Variants in ACTR8 observed in about 807,000 individuals in gnomAD.
ACTR8 encodes the protein actin-related protein 8.
A neutral mutation model predicts 84.3 loss-of-function variants in ACTR8; 70 were observed. The observed-to-expected ratio is 0.83, with a 90% CI of 0.68 to 1.01. ACTR8 has a LOEUF of 1.01. Ranked by LOEUF, ACTR8 falls within the 50% of genes least tolerant of loss-of-function variation. ACTR8 has a pLI of 0.00. For missense variants in ACTR8, 672 were observed against 775.4 expected (o/e 0.87, Z 1.58); for synonymous variants, 268 against 275.2 (o/e 0.97, Z 0.26).
chr3:53,860,280 AT>A, the ACTR8 span: 243 of 1,470,330 alleles, frequency 1.7e-4, no homozygotes, highest in Middle Eastern at 4.2e-4. Flanking sequence ...AACATTTTGA[AT>A]TTTTTTTTAA....
Position 53,872,485 on chromosome 3 carries a change from C to A in ACTR8, c.1201G>T (p.Val401Phe). Reference protein sequence around the residue: ...ALFYPATFGIVGQKMTTLQHR... With the variant: ...ALFYPATFGIFGQKMTTLQHR... ...TGCAAAGTCGTCATTTTCTGTCCAA[C>A]GATTCCAAAAGTTGCGGGGTAAAAC... The change falls in exon 10 of 13, where the codon GTT (valine) becomes TTT (phenylalanine). Residue 401 changes from valine to phenylalanine, a missense_variant. Val to Phe is a conservative substitution (Grantham distance 50). Transcript: ENST00000335754. 1 of 1,610,216 alleles carries A rather than the reference C, an allele frequency of 6.2e-7. No homozygotes were observed. The highest frequency in any genetic ancestry group is 8.5e-7 in the Non-Finnish European group (1 of 1,178,626).
At position 53,881,886 on chromosome 3, in the gene ACTR8, G is replaced by A; in HGVS notation, c.123+93C>T. On this transcript the variant is annotated intron_variant, in intron 1 of 12. Coordinates refer to ENST00000335754, the MANE Select transcript of ACTR8 (RefSeq NM_022899.5). ...CCCACCAGGGGCTGGGGCCTGCAAG[G>A]GGGACTCGAAGCCTCCCGCCGCCTC... 12 of 1,530,444 alleles carry A rather than the reference G, an allele frequency of 7.8e-6. No individual in the cohort carries two copies. The South Asian group carries it at 1.2e-4, about 15-fold the overall frequency. 94.8% of individuals were successfully genotyped at this position (1,530,444 alleles called of 1,614,324 possible). A position where few individuals can be genotyped will look rare whatever the true frequency, so the allele number is the denominator to read the frequency against.
chr3:53,867,199 G>A lies in ACTR8; in HGVS notation c.*1520C>T, dbSNP rs1044060388. Reference sequence around the variant, plus strand: ...AACTTCCTTTGAAACAGCTCTACCAGTTATAAGAGCAATATGCTGTTAGGT... The same window carrying A: ...AACTTCCTTTGAAACAGCTCTACCAATTATAAGAGCAATATGCTGTTAGGT... On this transcript the variant is annotated 3_prime_UTR_variant, in exon 13 of 13. Coordinates refer to ENST00000335754, the MANE Select transcript of ACTR8 (RefSeq NM_022899.5). 2.6e-5 allele frequency: 4 copies of A among 152,234 alleles called. No homozygotes were observed. Among genetic ancestry groups the A allele is most frequent in the African/African-American group, 7.2e-5 (3 of 41,466 alleles). The allele number at this position is 152,234 out of a possible 1,614,324, so 9.4% of individuals were successfully genotyped here.
rs547789778 is a variant in ACTR8 at position 53,870,020 on chromosome 3, G to A, written c.1693C>T (p.Arg565Ter). Residue 565 changes from arginine (R) to a stop codon, truncating the protein, a stop_gained, in exon 12 of 13, where the codon CGA becomes TGA. Coordinates refer to ENST00000335754, the MANE Select transcript of ACTR8 (RefSeq NM_022899.5). LOFTEE classifies it high-confidence loss of function. This position sits in a 1 kb window ranked among gnomAD's most constrained non-coding sequence, Gnocchi z 4.1. Reference sequence around the variant, plus strand: ...ATCACATCCACATTTTCAATAATTCGCCTGAAGGATGGTGGCATTTTGTTG... The same window carrying A: ...ATCACATCCACATTTTCAATAATTCACCTGAAGGATGGTGGCATTTTGTTG... ...ILNKMPPSFR[R>*]IIENVDVITR... 3 of 1,613,972 alleles carry A rather than the reference G, an allele frequency of 1.9e-6. No individual in the cohort carries two copies. Among genetic ancestry groups the A allele is most frequent in the African/African-American group, 1.3e-5 (1 of 74,876 alleles).
the ACTR8 span, chr3:53,860,280 ATT>A: frequency 2.0e-6 from 3 of 1,471,574 alleles, no homozygotes; most frequent in Non-Finnish European, 2.8e-6. Context: ...AACATTTTGA[ATT>A]TTTTTTTAAA....
chr3:53,865,179 C>T (rs1443772670), downstream of ACTR8: 4 of 1,614,036 alleles, frequency 2.5e-6, no homozygotes, highest in African/African-American at 2.7e-5. Context: ...ACAATGCTCT[C>T]AGTGTCTGCC....
chr3:53,875,314 G>A (rs571894858), intron 7 of ACTR8, among the ~76,000 whole-genome samples: 13 of 152,140 alleles, frequency 8.5e-5, no homozygotes, highest in African/African-American at 1.9e-4. Context: ...TGTGGAGGAC[G>A]GGAAGAATGA....
In ACTR8 at chr3:53,878,380, G is replaced by A. The variant is rs374119128; in HGVS notation, c.382C>T (p.Arg128Cys). The stretch of plus-strand genomic sequence containing the variant: ...ACCTGTTCAGGGGACACAGGAATGC[G>A]TCTTGTACCATTGGACATCTTTTTA... ...WSKKMSNGTR[R>C]IPVSPEQARS... Residue 128 changes from arginine (R) to cysteine (C), a missense_variant, in exon 3 of 13, where the codon CGC becomes TGC. Arg to Cys is a radical substitution (Grantham distance 180). Coordinates refer to ENST00000335754, the MANE Select transcript of ACTR8 (RefSeq NM_022899.5). The A allele has an allele frequency of 7.4e-6, 12 of 1,612,366 alleles. No homozygotes were observed. Among genetic ancestry groups the A allele is most frequent in the South Asian group, 1.1e-5 (1 of 90,760 alleles).
intron 3 of ACTR8, among the ~76,000 whole-genome samples, 166 bp from the exon 4 acceptor site, chr3:53,877,917 C>T (rs934988528): frequency 6.6e-6 from 1 of 152,162 alleles, no homozygotes; most frequent in Admixed American, 6.5e-5. Flanking sequence ...GTCCTTTTTA[C>T]AATCTTGGGG....
chr3:53,877,066 A>C (rs1699986579), intron 5 of ACTR8, 148 bp downstream of exon 5: 2 of 704,860 alleles, frequency 2.8e-6, no homozygotes, highest in South Asian at 6.0e-5. Context: ...GTGAAGAAGA[A>C]AAGACATCCT....
In ACTR8 at chr3:53,873,786, G is replaced by A. The variant is rs74930882; in HGVS notation, c.1065+425C>T. On this transcript the variant is annotated intron_variant, in intron 8 of 12. Coordinates refer to ENST00000335754, the MANE Select transcript of ACTR8 (RefSeq NM_022899.5). The stretch of plus-strand genomic sequence containing the variant: ...CTTTCACCTGCAGGCTTTATCGTGG[G>A]TTGAAAAAGGCATTATAATGCTGTT... 7.3e-3 allele frequency among the ~76,000 whole-genome samples: 1,106 copies of A among 152,148 alleles called. 47 individuals carry two copies. The East Asian group carries it at 0.11, about 15-fold the overall frequency.
In ACTR8 at chr3:53,878,471, G is replaced by C; in HGVS notation, c.295-4C>G. 6.3e-7 allele frequency: 1 copy of C among 1,578,708 alleles called. No individual in the cohort carries two copies. Among genetic ancestry groups the C allele is most frequent in the Non-Finnish European group, 8.7e-7 (1 of 1,151,930 alleles). On this transcript the variant is annotated splice_region_variant and splice_polypyrimidine_tract_variant and intron_variant, in intron 2 of 12. Coordinates refer to ENST00000335754, the MANE Select transcript of ACTR8 (RefSeq NM_022899.5). Reference sequence around the variant, plus strand: ...TTTGTTCATTACTTTCTGGTTTCTGGGGAAAAAATGAAAGATGAGCAGTAC... The same window carrying C: ...TTTGTTCATTACTTTCTGGTTTCTGCGGAAAAAATGAAAGATGAGCAGTAC...
downstream of ACTR8, chr3:53,865,143 T>G (rs1341546454): frequency 1.9e-6 from 3 of 1,614,198 alleles, no homozygotes; most frequent in East Asian, 6.7e-5. Context: ...TGGTCTACTT[T>G]AGAGAGATTG....
In ACTR8 at chr3:53,867,987, T is replaced by C. The variant is rs768876644; in HGVS notation, c.*732A>G. 1 of 152,212 alleles carries C rather than the reference T, an allele frequency of 6.6e-6. No individual in the cohort carries two copies. Among genetic ancestry groups the C allele is most frequent in the East Asian group, 1.9e-4 (1 of 5,202 alleles). The allele number at this position is 152,212 out of a possible 1,614,324, so 9.4% of individuals were successfully genotyped here. A position where few individuals can be genotyped will look rare whatever the true frequency, so the allele number is the denominator to read the frequency against. On this transcript the variant is annotated 3_prime_UTR_variant, in exon 13 of 13. Coordinates refer to ENST00000335754, the MANE Select transcript of ACTR8 (RefSeq NM_022899.5). ...TAAATTATACCCAAATCATTTCTATTTGGCTTTAGGAAAAAAACAAGATTT... is the reference window on the plus strand; with the variant it reads ...TAAATTATACCCAAATCATTTCTATCTGGCTTTAGGAAAAAAACAAGATTT...
Position 53,873,075 on chromosome 3 carries a change from G to A in ACTR8, c.1118C>T (p.Pro373Leu). ...TAATCGAAACTGGTAAAGCAGGGCAGGAGAATCAGGATGTCGAATCTGAAA... is the reference window on the plus strand; with the variant it reads ...TAATCGAAACTGGTAAAGCAGGGCAAGAGAATCAGGATGTCGAATCTGAAA... ...HEFQIRHPDS[P>L]ALLYQFRLGD... is the part of the protein sequence containing the mutation. Residue 373 changes from proline to leucine, a missense_variant, in exon 9 of 13, where the codon CCT becomes CTT. Pro to Leu is a moderately conservative substitution (Grantham distance 98). Transcript: ENST00000335754. 3 of 1,611,918 alleles carry A rather than the reference G, an allele frequency of 1.9e-6. No individual in the cohort carries two copies. Among genetic ancestry groups the A allele is most frequent in the East Asian group, 2.2e-5 (1 of 44,864 alleles).
chr3:53,876,617 T>G lies in ACTR8; in HGVS notation c.778+3A>C. 1 of 1,537,684 alleles carries G rather than the reference T, an allele frequency of 6.5e-7. No individual in the cohort carries two copies. The highest frequency in any genetic ancestry group is 8.9e-7 in the Non-Finnish European group (1 of 1,120,054). On this transcript the variant is annotated splice_donor_region_variant and intron_variant, in intron 6 of 12. Coordinates refer to ENST00000335754, the MANE Select transcript of ACTR8 (RefSeq NM_022899.5). ...ATAGGTTTCACTGGGATATCAGACA[T>G]ACCTGAAAAACCCATCTTCATTAGT...
At chr3:53,859,363 C>T in the ACTR8 span, 2 of 152,578 alleles carry the variant, frequency 1.3e-5, no homozygotes, top group Non-Finnish European at 2.9e-5. Context: ...AATGTTTACA[C>T]AACAGTCCAG....
chr3:53,863,192 C>G (rs1217659749), downstream of ACTR8, among the ~76,000 whole-genome samples: 1 of 152,166 alleles, frequency 6.6e-6, no homozygotes, highest in African/African-American at 2.4e-5. Flanking sequence ...GGTAAGACTT[C>G]CAGTCAACAG....
In ACTR8 at chr3:53,870,580, G is replaced by A. The variant is rs113504912; in HGVS notation, c.1568-435C>T. Among the ~76,000 whole-genome samples, 1,992 of 152,284 alleles carry A rather than the reference G, an allele frequency of 0.013. 43 individuals carry two copies. Among genetic ancestry groups the A allele is most frequent in the African/African-American group, 0.046 (1,893 of 41,548 alleles). ...GCAGGAGAATCACTTGAACCCAGGA[G>A]GCAGAGGTTGTGGTGAGCCGCAATC... On this transcript the variant is annotated intron_variant, in intron 11 of 12. Coordinates refer to ENST00000335754, the MANE Select transcript of ACTR8 (RefSeq NM_022899.5). The surrounding 1 kb of genome is among the most constrained non-coding windows in gnomAD (Gnocchi z 4.1).
Sources: gnomAD v4.1 joint callset for allele counts (sites outside exome capture counted in the v4.1 genomes callset) on GRCh38, gnomAD v4.1.1 for gene constraint, Gnocchi (gnomAD v3.1) non-coding constraint, MANE v1.5 for transcripts, NCBI Gene and HGNC (gene_info 2026-07-23, HGNC 2026-07-21) for gene names.